The following NR6A1 variants were observed in gnomAD, a reference collection of about 807,000 sequenced individuals.
NR6A1 encodes the protein retinoic acid receptor-related testis-associated receptor.
In NR6A1, 7 loss-of-function variants were observed where a neutral mutation model predicts 59.1. That is an observed-to-expected ratio of 0.12 (90% CI 0.07 to 0.22). NR6A1 has a LOEUF of 0.22. NR6A1 is among the 10% of genes least tolerant of loss of function. NR6A1 has a pLI of 1.00. For synonymous variants in NR6A1, 243 were observed against 236.1 expected, an observed-to-expected ratio of 1.03 and a Z score of -0.27; for missense variants, 468 against 611.6, an observed-to-expected ratio of 0.77 and a Z score of 2.48.
chr9:124,729,244 A>G (rs10118707), intron 2 of NR6A1, among the ~76,000 whole-genome samples: 2,679 of 152,338 alleles, frequency 0.018, 81 homozygotes, highest in African/African-American at 0.061. Flanking sequence ...TTGTGTTCAC[A>G]TCATAGTATA....
chr9:124,710,255 T>C (rs1406053787), intron 2 of NR6A1, among the ~76,000 whole-genome samples: 1 of 152,154 alleles, frequency 6.6e-6, no homozygotes, highest in South Asian at 2.1e-4. Flanking sequence ...CCATTCAACG[T>C]AACAGAAAAA....
chr9:124,583,609 G>C (rs1834835542), intron 2 of NR6A1, among the ~76,000 whole-genome samples: 1 of 152,036 alleles, frequency 6.6e-6, no homozygotes, highest in Admixed American at 6.6e-5. Context: ...TTCTCTCTAG[G>C]GTTTCCCTTG....
In NR6A1 at chr9:124,666,275, C is replaced by CTTT. The variant is rs922378385; in HGVS notation, c.142+67030_142+67032dup. Among the ~76,000 whole-genome samples the CTTT allele has an allele frequency of 9.9e-4, 102 of 103,014 alleles. 3 individuals are homozygous for CTTT. Among genetic ancestry groups the CTTT allele is most frequent in the African/African-American group, 2.6e-3 (59 of 23,006 alleles). The allele number at this position is 103,014 out of a possible 152,430, so 67.6% of individuals were successfully genotyped here. On this transcript the variant is annotated intron_variant, in intron 2 of 9. Coordinates refer to ENST00000487099, the MANE Select transcript of NR6A1 (RefSeq NM_033334.4). ...TTGGCGGAATTACCTCTATGTGGTT[C>CTTT]TTTTTTTTTTTTTTTTTTTTTGAGA...
intron 2 of NR6A1, among the ~76,000 whole-genome samples, chr9:124,615,284 A>C (rs1429517257): frequency 2.0e-5 from 3 of 152,206 alleles, no homozygotes. Flanking sequence ...AACTAGTCAT[A>C]ATGATTTGAA....
chr9:124,632,949 C>G (rs1331427053), intron 2 of NR6A1, among the ~76,000 whole-genome samples: 1 of 152,144 alleles, frequency 6.6e-6, no homozygotes, highest in Non-Finnish European at 1.5e-5. Context: ...TGTGTTTCAG[C>G]TACAATGCTC....
chr9:124,643,732 CAA>C (rs1349771002), intron 2 of NR6A1, among the ~76,000 whole-genome samples: 3 of 111,252 alleles, frequency 2.7e-5, no homozygotes, highest in Non-Finnish European at 3.5e-5. Context: ...CTGGCCTGGG[CAA>C]AGAGTGAGAT....
At chr9:124,752,712 A>G (rs1272526284) in intron 1 of NR6A1, among the ~76,000 whole-genome samples, 1 of 152,048 alleles carries the variant, frequency 6.6e-6, no homozygotes, top group Admixed American at 6.6e-5. Flanking sequence ...ATTACTATAT[A>G]TTTTACACCC....
chr9:124,662,261 G>C (rs1247218285), intron 2 of NR6A1, among the ~76,000 whole-genome samples: 2 of 152,184 alleles, frequency 1.3e-5, no homozygotes, highest in East Asian at 1.9e-4. Flanking sequence ...AAACATATGA[G>C]ACAATTAATT....
intron 2 of NR6A1, among the ~76,000 whole-genome samples, chr9:124,726,736 G>A (rs1839731736): frequency 6.6e-6 from 1 of 152,200 alleles, no homozygotes. Context: ...ACATGAGCCA[G>A]TCATCCATAC....
At chr9:124,633,388 G>A (rs1019033821) in intron 2 of NR6A1, among the ~76,000 whole-genome samples, 21 of 123,966 alleles carry the variant, frequency 1.7e-4, no homozygotes, top group Non-Finnish European at 3.3e-4. Context: ...GGGCGACAGA[G>A]CGAAACTCCG....
At chr9:124,658,598 A>G (rs1231010418) in intron 2 of NR6A1, 1 of 152,152 alleles carries the variant, frequency 6.6e-6, no homozygotes, top group Non-Finnish European at 1.5e-5. Context: ...CTGGAAACAC[A>G]GAAGTTGTCC....
intron 2 of NR6A1, among the ~76,000 whole-genome samples, chr9:124,556,238 G>GT (rs1833920577): frequency 6.6e-6 from 1 of 152,162 alleles, no homozygotes; most frequent in South Asian, 2.1e-4. Context: ...AAGTGTCTTC[G>GT]TAAGACAGAG....
chr9:124,619,465 G>A (rs1358546400), intron 2 of NR6A1, among the ~76,000 whole-genome samples: 2 of 152,042 alleles, frequency 1.3e-5, no homozygotes, highest in African/African-American at 4.8e-5. Context: ...GTTTCACCAC[G>A]TTTCCCAGGC....
At chr9:124,692,469 G>A (rs565169716) in intron 2 of NR6A1, 2 of 530,260 alleles carry the variant, frequency 3.8e-6, no homozygotes, top group South Asian at 1.4e-5. Context: ...AGCCTTCAGA[G>A]GACTCCAAGG....
chr9:124,564,077 C>A (rs1834163420), intron 2 of NR6A1, among the ~76,000 whole-genome samples: 1 of 151,950 alleles, frequency 6.6e-6, no homozygotes, highest in East Asian at 1.9e-4. Flanking sequence ...GACGCTGTCT[C>A]TAAAAAAACC....
intron 2 of NR6A1, among the ~76,000 whole-genome samples, chr9:124,717,838 G>A (rs1212135744): frequency 6.6e-6 from 1 of 152,128 alleles, no homozygotes; most frequent in African/African-American, 2.4e-5. Flanking sequence ...CTGTAAAATG[G>A]GGCAGAACAA....
At chr9:124,632,614 C>A (rs186811313) in intron 2 of NR6A1, among the ~76,000 whole-genome samples, 1 of 152,244 alleles carries the variant, frequency 6.6e-6, no homozygotes, top group Admixed American at 6.5e-5. Flanking sequence ...GATTGGAATG[C>A]CAAGATTTGT....
intron 2 of NR6A1, among the ~76,000 whole-genome samples, chr9:124,651,847 C>T (rs1837113926): frequency 6.6e-6 from 1 of 152,150 alleles, no homozygotes; most frequent in African/African-American, 2.4e-5. Flanking sequence ...TGTGCCTCCA[C>T]CCCAATCCTA....
rs1406149878 is a variant in NR6A1, at chr9:124,645,629, GT to G, written c.142+87678del. Among the ~76,000 whole-genome samples the G allele has an allele frequency of 2.6e-5, 4 of 152,248 alleles. No individual in the cohort carries two copies. In the East Asian group the frequency reaches 7.7e-4, roughly 29 times the overall value. On this transcript the variant is annotated intron_variant, in intron 2 of 9. Coordinates refer to ENST00000487099, the MANE Select transcript of NR6A1 (RefSeq NM_033334.4). ...ATGTGTATGCACCTAGTAACAGAAT[GT>G]CAAAATACCTGAAGCAAAACCTGAT...
Sources: gnomAD v4.1 joint callset for allele counts (sites outside exome capture counted in the v4.1 genomes callset) on GRCh38, gnomAD v4.1.1 for gene constraint, MANE v1.5 for transcripts, NCBI Gene and HGNC (gene_info 2026-07-23, HGNC 2026-07-21) for gene names.